The following CTNNA2 variants were observed in gnomAD, a reference collection of about 807,000 sequenced individuals.
CTNNA2 encodes catenin alpha-2.
A neutral mutation model predicts 101.0 loss-of-function variants in CTNNA2; 42 were observed. The ratio of observed to expected loss-of-function variants is 0.42; its 90% confidence interval spans 0.32 to 0.54. CTNNA2 has a LOEUF of 0.54. CTNNA2 is among the 20% of genes least tolerant of loss of function. The probability of loss-of-function intolerance (pLI) is 0.14; values close to 1 mark genes in which losing one functional copy is unlikely to be tolerated. For missense variants in CTNNA2, 871 were observed against 1,223.1 expected (o/e 0.71, Z 4.29); for synonymous variants, 450 against 456.4 (o/e 0.99, Z 0.18).
chr2:80,079,882 T>TAA (rs1553445210), intron 7 of CTNNA2, among the ~76,000 whole-genome samples: 763 of 54,492 alleles, frequency 0.014, 7 homozygotes, highest in Middle Eastern at 0.02. Context: ...TAAAATAAAA[T>TAA]AATAAAATAA....
intron 6 of CTNNA2, among the ~76,000 whole-genome samples, chr2:79,875,959 CAAAT>C (rs1466891879): frequency 6.6e-6 from 1 of 151,872 alleles, no homozygotes; most frequent in Admixed American, 6.6e-5. Context: ...ATTCACAAAA[CAAAT>C]AATTTTTAAA....
At chr2:79,549,263 T>C (rs1008676048) in intron 1 of CTNNA2, among the ~76,000 whole-genome samples, 6 of 152,332 alleles carry the variant, frequency 3.9e-5, no homozygotes, top group Non-Finnish European at 7.3e-5. Context: ...GGTGGAGCTT[T>C]ATTATTAGTT....
rs1671507125 is a variant in CTNNA2, at chr2:79,744,586, G to A, written c.298+4G>A. 1.2e-6 allele frequency: 2 copies of A among 1,612,608 alleles called. No individual in the cohort carries two copies. The highest frequency in any genetic ancestry group is 1.3e-5 in the African/African-American group (1 of 74,988). ...GTAGAGGATGTGCGCAAACAAGGTAGGCAGAATGATATTATTGTTCAAGGC... is the reference window on the plus strand; with the variant it reads ...GTAGAGGATGTGCGCAAACAAGGTAAGCAGAATGATATTATTGTTCAAGGC... On this transcript the variant is annotated splice_donor_region_variant and intron_variant, in intron 3 of 18. Coordinates refer to ENST00000402739, the MANE Select transcript of CTNNA2 (RefSeq NM_001282597.3).
At chr2:79,721,793 G>C (rs978369344) in intron 2 of CTNNA2, among the ~76,000 whole-genome samples, 1 of 152,132 alleles carries the variant, frequency 6.6e-6, no homozygotes, top group Non-Finnish European at 1.5e-5. Flanking sequence ...TATTAGAAAA[G>C]TGTACTGCCA....
At chr2:79,923,237 A>G (rs1453633921) in intron 7 of CTNNA2, among the ~76,000 whole-genome samples, 1 of 152,192 alleles carries the variant, frequency 6.6e-6, no homozygotes, top group Non-Finnish European at 1.5e-5. Flanking sequence ...ACTGTCGATC[A>G]TGTAAGAGAC....
At position 80,146,935 on chromosome 2, in the gene CTNNA2, T is replaced by TTTCA. The variant is rs564765820; in HGVS notation, c.1056+237140_1056+237141insCATT. On this transcript the variant is annotated intron_variant, in intron 7 of 18. Coordinates refer to ENST00000402739, the MANE Select transcript of CTNNA2 (RefSeq NM_001282597.3). The stretch of plus-strand genomic sequence containing the variant: ...GCCCTGCTAATTTTTGTATTTTGTA[T>TTTCA]TTTATTTATTTATTTATTTATTTAT... Among the ~76,000 whole-genome samples, 182 of 131,500 alleles carry TTTCA rather than the reference T, an allele frequency of 1.4e-3. 4 individuals carry two copies. Among genetic ancestry groups the TTTCA allele is most frequent in the Non-Finnish European group, 5.6e-4 (35 of 62,000 alleles). The allele number at this position is 131,500 out of a possible 152,430, so 86.3% of individuals were successfully genotyped here.
chr2:79,267,546 G>A (rs899479741), intron 2 of CTNNA2, among the ~76,000 whole-genome samples: 3 of 152,106 alleles, frequency 2.0e-5, no homozygotes, highest in African/African-American at 7.2e-5. Flanking sequence ...GAATTTTGGG[G>A]AGACCCAAAC....
At chr2:80,529,998 G>A (rs150261620) in intron 9 of CTNNA2, among the ~76,000 whole-genome samples, 1 of 152,082 alleles carries the variant, frequency 6.6e-6, no homozygotes, top group African/African-American at 2.4e-5. Context: ...TTCTGAAAGT[G>A]CAGCTGCGCC....
At chr2:80,193,411 T>C (rs370959220) in intron 7 of CTNNA2, among the ~76,000 whole-genome samples, 14 of 152,292 alleles carry the variant, frequency 9.2e-5, no homozygotes, top group East Asian at 3.9e-4. Flanking sequence ...GACGATAAAA[T>C]GTGTCTTTTA....
intron 7 of CTNNA2, among the ~76,000 whole-genome samples, chr2:80,286,115 C>T (rs1674745017): frequency 6.6e-6 from 1 of 152,144 alleles, no homozygotes; most frequent in Non-Finnish European, 1.5e-5. Flanking sequence ...TGCTCATTGT[C>T]TATGTCCACA....
At chr2:80,098,616 GAGGC>G (rs1046467144) in intron 7 of CTNNA2, among the ~76,000 whole-genome samples, 3 of 152,230 alleles carry the variant, frequency 2.0e-5, no homozygotes, top group African/African-American at 7.2e-5. Flanking sequence ...GGAGCCTACA[GAGGC>G]AGGCAGGCCT....
chr2:80,535,024 T>C (rs1025822645), intron 9 of CTNNA2, among the ~76,000 whole-genome samples: 6 of 152,150 alleles, frequency 3.9e-5, no homozygotes, highest in Non-Finnish European at 8.8e-5. Flanking sequence ...CTATAAAATA[T>C]TTGGGATCTA....
rs111862159 is a variant in CTNNA2 at position 79,483,110 on chromosome 2, A to G, written c.-134-21944A>G. 4.2e-3 allele frequency among the ~76,000 whole-genome samples: 638 copies of G among 152,298 alleles called. 4 individuals carry two copies. Among genetic ancestry groups the G allele is most frequent in the African/African-American group, 0.014 (592 of 41,568 alleles). The stretch of plus-strand genomic sequence containing the variant: ...CTATGTCTCTATTGCATGTTGGCTT[A>G]TGGCTCTGCTGCATGTGCCTTCCTG... On this transcript the variant is annotated intron_variant, in intron 4 of 21. Coordinates refer to the CTNNA2 transcript ENST00000466387.
intron 4 of CTNNA2, among the ~76,000 whole-genome samples, chr2:79,475,679 C>CAATTT (rs10626335): frequency 6.7e-6 from 1 of 149,694 alleles, no homozygotes; most frequent in Non-Finnish European, 1.5e-5. Flanking sequence ...TCTTTGAATA[C>CAATTT]TTTTTTTTTT....
At chr2:80,556,442 T>C (rs1283701877) in intron 12 of CTNNA2, among the ~76,000 whole-genome samples, 1 of 152,138 alleles carries the variant, frequency 6.6e-6, no homozygotes, top group Non-Finnish European at 1.5e-5. Context: ...TGACAAAGAG[T>C]TAGGCTTTCA....
chr2:79,411,214 G>A (rs1161578275), intron 4 of CTNNA2, among the ~76,000 whole-genome samples: 1 of 151,678 alleles, frequency 6.6e-6, no homozygotes, highest in African/African-American at 2.4e-5. Context: ...AGTCTTGCTA[G>A]CGGTCTATCA....
intron 2 of CTNNA2, among the ~76,000 whole-genome samples, chr2:79,736,016 T>C (rs1255965444): frequency 6.6e-6 from 1 of 152,230 alleles, no homozygotes; most frequent in Non-Finnish European, 1.5e-5. Flanking sequence ...TGTGAAGTTG[T>C]GCTTGAGAGA....
intron 7 of CTNNA2, among the ~76,000 whole-genome samples, chr2:80,061,155 A>G (rs915971650): frequency 1.3e-5 from 2 of 152,194 alleles, no homozygotes; most frequent in African/African-American, 4.8e-5. Flanking sequence ...AGGCAAATCT[A>G]GGAAAAAATA....
rs77365186 is a variant in CTNNA2 at position 80,039,291 on chromosome 2, C to G, written c.1056+129494C>G. On this transcript the variant is annotated intron_variant, in intron 7 of 18. Coordinates refer to ENST00000402739, the MANE Select transcript of CTNNA2 (RefSeq NM_001282597.3). The stretch of plus-strand genomic sequence containing the variant: ...CTGGAAGCATAAGAGATACCCAGAG[C>G]CCTGGGTGACTGGAGCAGCCACAAG... Among the ~76,000 whole-genome samples the G allele has an allele frequency of 5.1e-3, 779 of 152,182 alleles. 12 individuals are homozygous for G. The highest frequency in any genetic ancestry group is 0.018 in the African/African-American group (729 of 41,532).
Sources: gnomAD v4.1 joint callset for allele counts (sites outside exome capture counted in the v4.1 genomes callset) on GRCh38, gnomAD v4.1.1 for gene constraint, MANE v1.5 for transcripts, NCBI Gene and HGNC (gene_info 2026-07-23, HGNC 2026-07-21) for gene names.